CDK14: variants seen among roughly 807,000 people sequenced by gnomAD.
CDK14 encodes the protein cyclin dependent kinase 14.
Under a neutral mutation model 60.7 loss-of-function variants are expected in CDK14, and 34 were observed. The observed-to-expected ratio is 0.56, with a 90% CI of 0.43 to 0.75. The LOEUF (loss-of-function observed/expected upper bound fraction) is 0.75, where lower values mean the gene tolerates loss of function less well. Ranked by LOEUF, CDK14 falls within the 30% of genes least tolerant of loss-of-function variation. The pLI is 0.00. For missense variants in CDK14, 482 were observed against 564.1 expected (o/e 0.85, Z 1.47); for synonymous variants, 197 against 203.7 (o/e 0.97, Z 0.28).
intron 5 of CDK14, among the ~76,000 whole-genome samples, chr7:90,808,578 C>G (rs968974928): frequency 6.6e-6 from 1 of 152,148 alleles, no homozygotes; most frequent in Non-Finnish European, 1.5e-5. Context: ...AAATAACCAG[C>G]TAACATCATA....
At chr7:90,650,285 G>A (rs1295815662) in intron 2 of CDK14, among the ~76,000 whole-genome samples, 1 of 152,068 alleles carries the variant, frequency 6.6e-6, no homozygotes, top group Non-Finnish European at 1.5e-5. Flanking sequence ...CATGTCCTTT[G>A]CCCACTTTTT....
At chr7:90,664,299 G>A (rs1051004702) in intron 2 of CDK14, among the ~76,000 whole-genome samples, 4 of 152,220 alleles carry the variant, frequency 2.6e-5, no homozygotes, top group African/African-American at 9.7e-5. Context: ...ACAGGTGCTG[G>A]AGAGGATGTG....
At chr7:90,996,796 T>C (rs1795698119) in intron 10 of CDK14, among the ~76,000 whole-genome samples, 1 of 152,210 alleles carries the variant, frequency 6.6e-6, no homozygotes, top group South Asian at 2.1e-4. Context: ...AAATTCAGGC[T>C]TCTATTAATT....
chr7:90,619,449 T>C (rs2116365853), intron 2 of CDK14, among the ~76,000 whole-genome samples: 1 of 152,362 alleles, frequency 6.6e-6, no homozygotes, highest in South Asian at 2.1e-4. Flanking sequence ...TTTTTGTCTC[T>C]TGATACCTGC....
chr7:90,703,264 A>T (rs1801828622), intron 2 of CDK14, among the ~76,000 whole-genome samples: 1 of 152,078 alleles, frequency 6.6e-6, no homozygotes, highest in African/African-American at 2.4e-5. Flanking sequence ...CATTTCTCAG[A>T]TCATATTAGT....
chr7:90,870,225 G>A (rs1211519697), intron 6 of CDK14, among the ~76,000 whole-genome samples: 3 of 152,120 alleles, frequency 2.0e-5, no homozygotes, highest in African/African-American at 7.2e-5. Context: ...ATTATCCTTA[G>A]CAAACTAACA....
intron 2 of CDK14, among the ~76,000 whole-genome samples, chr7:90,649,652 G>A (rs531494157): frequency 2.6e-5 from 4 of 151,284 alleles, no homozygotes; most frequent in Non-Finnish European, 2.9e-5. Context: ...GATGTTCCCC[G>A]CCCTGTGTCC....
intron 10 of CDK14, among the ~76,000 whole-genome samples, chr7:91,014,276 A>G (rs1174995350): frequency 6.6e-6 from 1 of 152,176 alleles, no homozygotes; most frequent in Non-Finnish European, 1.5e-5. Context: ...GCTGTGCACT[A>G]GTTGGCCCCC....
intron 5 of CDK14, among the ~76,000 whole-genome samples, chr7:90,837,291 CTTT>C (rs1211895994): frequency 1.4e-5 from 2 of 141,638 alleles, no homozygotes; most frequent in Non-Finnish European, 1.5e-5. Context: ...TTTCTTTTTT[CTTT>C]TTTTTTTTTT....
rs147978048 is a variant in CDK14, at chr7:90,791,577, A to G, written c.544+925A>G. Among the ~76,000 whole-genome samples the G allele has an allele frequency of 1.6e-3, 245 of 152,350 alleles. 4 individuals are homozygous for G. The highest frequency in any genetic ancestry group is 0.012 in the South Asian group (58 of 4,830). ...ACAACTGTTGATATGATTTACATGT[A>G]CAACTATTGATATGATTTACATGTA... On this transcript the variant is annotated intron_variant, in intron 5 of 14. Coordinates refer to ENST00000380050, the MANE Select transcript of CDK14 (RefSeq NM_001287135.2).
chr7:90,709,627 T>C, intron 2 of CDK14: 2 of 1,599,116 alleles, frequency 1.3e-6, no homozygotes. Context: ...CCATCGTGTT[T>C]GGAAAAAAAA....
chr7:90,827,086 C>G (rs947535879), intron 5 of CDK14, among the ~76,000 whole-genome samples: 14 of 151,242 alleles, frequency 9.3e-5, no homozygotes, highest in African/African-American at 3.2e-4. Flanking sequence ...TGCTGCCTGT[C>G]CCTGTCTTCC....
At chr7:90,635,896 A>G (rs1488465689) in intron 2 of CDK14, among the ~76,000 whole-genome samples, 3 of 152,082 alleles carry the variant, frequency 2.0e-5, no homozygotes, top group Admixed American at 6.5e-5. Flanking sequence ...CTTTGAAGCA[A>G]TTGTGAATGG....
chr7:91,118,598 T>C (rs1799684323), intron 14 of CDK14, among the ~76,000 whole-genome samples: 1 of 152,216 alleles, frequency 6.6e-6, no homozygotes, highest in African/African-American at 2.4e-5. Flanking sequence ...ATGGGGAGAT[T>C]ACACACAAAA....
chr7:90,804,000 C>T (rs1788737373), intron 5 of CDK14, among the ~76,000 whole-genome samples: 1 of 152,196 alleles, frequency 6.6e-6, no homozygotes, highest in Non-Finnish European at 1.5e-5. Flanking sequence ...TGTTGAATGA[C>T]TGAGTGAATG....
chr7:90,752,896 G>A (rs1411398186), intron 4 of CDK14, among the ~76,000 whole-genome samples: 1 of 152,070 alleles, frequency 6.6e-6, no homozygotes, highest in African/African-American at 2.4e-5. Context: ...AAATCTAGAG[G>A]AAATTGGTAA....
At chr7:91,091,799 G>GT (rs11426573) in intron 12 of CDK14, among the ~76,000 whole-genome samples, 76,862 of 148,886 alleles carry the variant, frequency 0.52, 21,213 homozygotes, top group East Asian at 0.83. Flanking sequence ...AATCAGATGA[G>GT]TTTTTTTTTC....
In CDK14 at chr7:90,932,464, A is replaced by C. The variant is rs139561462; in HGVS notation, c.826+14740A>C. Among the ~76,000 whole-genome samples, 795 of 152,322 alleles carry C rather than the reference A, an allele frequency of 5.2e-3. 6 individuals are homozygous for C. Among genetic ancestry groups the C allele is most frequent in the Non-Finnish European group, 8.7e-3 (595 of 68,034 alleles). ...TGAGCTGCATATGTGCATCTCTCCC[A>C]TCTCCCCCCAGCCAGTAGAATCTCA... On this transcript the variant is annotated intron_variant, in intron 8 of 14. Coordinates refer to ENST00000380050, the MANE Select transcript of CDK14 (RefSeq NM_001287135.2).
At chr7:90,801,292 A>G (rs578100024) in intron 5 of CDK14, among the ~76,000 whole-genome samples, 3 of 152,364 alleles carry the variant, frequency 2.0e-5, no homozygotes, top group African/African-American at 7.2e-5. Flanking sequence ...CATATAATAG[A>G]CAATGAATGA....
Sources: gnomAD v4.1 joint callset for allele counts (sites outside exome capture counted in the v4.1 genomes callset) on GRCh38, gnomAD v4.1.1 for gene constraint, MANE v1.5 for transcripts, NCBI Gene and HGNC (gene_info 2026-07-23, HGNC 2026-07-21) for gene names.